Variants in MAN1A2 observed in about 807,000 individuals in gnomAD.
MAN1A2 encodes the protein mannosidase alpha class 1A member 2.
MAN1A2 carries 26 observed loss-of-function variants against 75.7 expected under a neutral mutation model. The observed-to-expected ratio is 0.34, with a 90% CI of 0.25 to 0.48. MAN1A2 has a LOEUF of 0.48. MAN1A2 is among the 20% of genes least tolerant of loss of function. The pLI is 0.99. For missense variants in MAN1A2, 562 were observed against 775.5 expected, an observed-to-expected ratio of 0.72 and a Z score of 3.27; for synonymous variants, 247 against 264.6, an observed-to-expected ratio of 0.93 and a Z score of 0.65.
chr1:117,506,133 A>G (rs1157601031), intron 12 of MAN1A2, among the ~76,000 whole-genome samples: 1 of 151,516 alleles, frequency 6.6e-6, no homozygotes, highest in Non-Finnish European at 1.5e-5. Context: ...GAAGATAAGT[A>G]TGGTCTCTTA....
intron 2 of MAN1A2, 32 bp downstream of exon 2, chr1:117,402,473 TTATGGA>T: frequency 6.5e-7 from 1 of 1,550,058 alleles, no homozygotes; most frequent in East Asian, 2.2e-5. Flanking sequence ...TATGGAGTGT[TTATGGA>T]TTTGTATTTG....
In MAN1A2 at chr1:117,367,509, G is replaced by C. The variant is rs1437873087; in HGVS notation, c.-675G>C. The C allele has an allele frequency of 6.5e-6, 1 of 153,284 alleles. No individual in the cohort carries two copies. Among genetic ancestry groups the C allele is most frequent in the East Asian group, 1.9e-4 (1 of 5,226 alleles). The allele number at this position is 153,284 out of a possible 1,614,324, so 9.5% of individuals were successfully genotyped here. ...GCGGCTGGCCGGACTCAGGTGTTTCGGACGCTATTGCCCTTCGCGCCAGCC... is the reference window on the plus strand; with the variant it reads ...GCGGCTGGCCGGACTCAGGTGTTTCCGACGCTATTGCCCTTCGCGCCAGCC... On this transcript the variant is annotated 5_prime_UTR_variant, in exon 1 of 13. Transcript: ENST00000356554.
chr1:117,517,672 C>T (rs902710982), intron 12 of MAN1A2, among the ~76,000 whole-genome samples: 3 of 151,946 alleles, frequency 2.0e-5, no homozygotes, highest in African/African-American at 7.2e-5. Flanking sequence ...GCTTAAAATA[C>T]ATGAACTTAG....
intron 6 of MAN1A2, among the ~76,000 whole-genome samples, chr1:117,450,714 T>A (rs1048396774): frequency 3.9e-5 from 6 of 152,226 alleles, no homozygotes; most frequent in Non-Finnish European, 7.3e-5. Flanking sequence ...GGGGCCAACC[T>A]AAAGCTCAGA....
At chr1:117,446,658 A>G (rs947279866) in intron 6 of MAN1A2, among the ~76,000 whole-genome samples, 2 of 151,866 alleles carry the variant, frequency 1.3e-5, no homozygotes, top group Non-Finnish European at 2.9e-5. Context: ...TTACAATTTG[A>G]ATCCTTTCAA....
intron 5 of MAN1A2, among the ~76,000 whole-genome samples, chr1:117,421,963 A>AATTT (rs1648215235): frequency 6.6e-6 from 1 of 152,242 alleles, no homozygotes; most frequent in Non-Finnish European, 1.5e-5. Context: ...CTCCTTGTTA[A>AATTT]AGGTGATTTT....
intron 8 of MAN1A2, among the ~76,000 whole-genome samples, chr1:117,480,772 T>C (rs1368899756): frequency 6.6e-6 from 1 of 151,894 alleles, no homozygotes; most frequent in Non-Finnish European, 1.5e-5. Flanking sequence ...CTGAACAACA[T>C]GAAAACTTGT....
intron 6 of MAN1A2, among the ~76,000 whole-genome samples, chr1:117,451,586 C>G (rs1004090650): frequency 1.3e-5 from 2 of 152,168 alleles, no homozygotes; most frequent in Non-Finnish European, 2.9e-5. Context: ...GTGGGAGGGA[C>G]TCAGCGGGAG....
chr1:117,488,071 T>G (rs1650768484), intron 8 of MAN1A2, among the ~76,000 whole-genome samples: 1 of 152,080 alleles, frequency 6.6e-6, no homozygotes, highest in Non-Finnish European at 1.5e-5. Context: ...TATTGCCCTG[T>G]CTTCTACTCC....
chr1:117,491,555 G>C (rs1035734470), intron 8 of MAN1A2, among the ~76,000 whole-genome samples: 1 of 151,984 alleles, frequency 6.6e-6, no homozygotes, highest in Admixed American at 6.6e-5. Context: ...GATTAATGTT[G>C]GTTTCATGCC....
chr1:117,447,160 C>T (rs1649261557), intron 6 of MAN1A2, among the ~76,000 whole-genome samples: 1 of 151,956 alleles, frequency 6.6e-6, no homozygotes, highest in Non-Finnish European at 1.5e-5. Flanking sequence ...TATAGTTCTG[C>T]TTTTGGAGAC....
chr1:117,460,686 G>A, intron 7 of MAN1A2, 74 bp downstream of exon 7: 2 of 1,467,694 alleles, frequency 1.4e-6, no homozygotes, highest in Non-Finnish European at 1.8e-6. Context: ...TTTGATTAAT[G>A]CTTAAAAGGT....
rs551507232 is a variant in MAN1A2, at chr1:117,417,534, AATATATAT to A, written c.774+2720_774+2727del. On this transcript the variant is annotated intron_variant, in intron 4 of 12. Coordinates refer to ENST00000356554, the MANE Select transcript of MAN1A2 (RefSeq NM_006699.5). ...GACTTTGGAGATATCCTTGAGTTTA[AATATATAT>A]ATATATATATATATATGTGATATAT... Among the ~76,000 whole-genome samples the A allele has an allele frequency of 5.0e-4, 45 of 89,208 alleles. 1 individual carries two copies. Among genetic ancestry groups the A allele is most frequent in the African/African-American group, 1.4e-3 (31 of 22,094 alleles). 58.5% of individuals were successfully genotyped at this position (89,208 alleles called of 152,430 possible).
At chr1:117,501,072 A>G (rs1651186467) in intron 11 of MAN1A2, among the ~76,000 whole-genome samples, 1 of 151,804 alleles carries the variant, frequency 6.6e-6, no homozygotes, top group Non-Finnish European at 1.5e-5. Flanking sequence ...AGGATAATTC[A>G]TCCTTTTCCT....
chr1:117,476,518 T>G (rs1650319293), intron 8 of MAN1A2, among the ~76,000 whole-genome samples: 1 of 152,138 alleles, frequency 6.6e-6, no homozygotes, highest in Non-Finnish European at 1.5e-5. Context: ...TTAATCCATC[T>G]TGAGTTAATT....
chr1:117,473,603 G>C (rs1650227432), intron 8 of MAN1A2, among the ~76,000 whole-genome samples: 1 of 151,794 alleles, frequency 6.6e-6, no homozygotes, highest in Non-Finnish European at 1.5e-5. Flanking sequence ...TTGGCCTTCT[G>C]TCACTTGTTG....
intron 5 of MAN1A2, among the ~76,000 whole-genome samples, chr1:117,439,732 T>A (rs1248758903): frequency 6.6e-6 from 1 of 152,154 alleles, no homozygotes; most frequent in Non-Finnish European, 1.5e-5. Flanking sequence ...TGGCCTCAAG[T>A]GATCCACCCA....
At chr1:117,475,377 T>G (rs956278924) in intron 8 of MAN1A2, among the ~76,000 whole-genome samples, 2 of 151,964 alleles carry the variant, frequency 1.3e-5, no homozygotes, top group Admixed American at 6.6e-5. Flanking sequence ...TTCCTTTTTT[T>G]AAAAATTATA....
At chr1:117,394,105 G>A (rs1301245118) in intron 1 of MAN1A2, among the ~76,000 whole-genome samples, 1 of 147,644 alleles carries the variant, frequency 6.8e-6, no homozygotes, top group African/African-American at 2.5e-5. Flanking sequence ...TTTTTGAGAT[G>A]GAGTCTTGCC....
Sources: gnomAD v4.1 joint callset for allele counts (sites outside exome capture counted in the v4.1 genomes callset) on GRCh38, gnomAD v4.1.1 for gene constraint, MANE v1.5 for transcripts, NCBI Gene and HGNC (gene_info 2026-07-23, HGNC 2026-07-21) for gene names.